MROH1: variants seen among roughly 807,000 people sequenced by gnomAD.
The protein encoded by MROH1 is maestro heat-like repeat-containing protein family member 1.
In MROH1, 117 loss-of-function variants were observed where a neutral mutation model predicts 116.5. The ratio of observed to expected loss-of-function variants is 1.00; its 90% CI spans 0.86 to 1.17. The LOEUF is 1.17. Among genes scored for constraint, MROH1 ranks in the 50% most tolerant of loss-of-function variants. The pLI is 0.00. For missense variants in MROH1, 1,873 were observed against 1,338.5 expected (o/e 1.40, Z -6.23); for synonymous variants, 921 against 583.9 (o/e 1.58, Z -8.32).
rs906571729 is a variant in MROH1, at chr8:144,239,501, C to A, written c.1633-113C>A. 2,878 of 762,566 alleles carry A rather than the reference C, an allele frequency of 3.8e-3. 8 individuals are homozygous for A. Among genetic ancestry groups the A allele is most frequent in the Non-Finnish European group, 5.5e-3 (2,265 of 410,250 alleles). The allele number at this position is 762,566 out of a possible 1,614,324, so 47.2% of individuals were successfully genotyped here. ...GTGGTTTTCCTCTACGTGGGCGGCC[C>A]AGCTTTGGGAAGAGCCAGGCTCCCC... On this transcript the variant is annotated intron_variant, in intron 17 of 43. Transcript: ENST00000326134.
At position 144,199,178 on chromosome 8, in the gene MROH1, G is replaced by T; in HGVS notation, c.1005G>T (p.Val335=). The T allele has an allele frequency of 6.2e-7, 1 of 1,613,618 alleles. No individual in the cohort carries two copies. Among genetic ancestry groups the T allele is most frequent in the Non-Finnish European group, 8.5e-7 (1 of 1,179,764 alleles). Residue 335 remains valine, a synonymous_variant, in exon 11 of 44, where the codon GTG becomes GTT. Coordinates refer to ENST00000326134, the MANE Select transcript of MROH1 (RefSeq NM_032450.3). ...SPLVMSNQKE[V]LRCFTVLACS... ...TGGTGATGAGTAACCAGAAGGAGGT[G>T]CTGCGCTGCTTCACTGTGCTGGGTG...
At chr8:144,169,035 G>A (rs905689670) in intron 4 of MROH1, among the ~76,000 whole-genome samples, 4 of 152,240 alleles carry the variant, frequency 2.6e-5, no homozygotes, top group African/African-American at 9.6e-5. Context: ...GACAGACGTG[G>A]CCCGGCTGGC....
chr8:144,257,477 C>T (rs1588542840), intron 35 of MROH1, among the ~76,000 whole-genome samples: 1 of 152,272 alleles, frequency 6.6e-6, no homozygotes, highest in Non-Finnish European at 1.5e-5. Flanking sequence ...GCTCTCAGGC[C>T]GCCTCATTCC....
intron 12 of MROH1, among the ~76,000 whole-genome samples, chr8:144,219,433 C>T (rs558766383): frequency 1.3e-5 from 2 of 152,316 alleles, no homozygotes; most frequent in East Asian, 1.9e-4. Flanking sequence ...GCTGGGTTTA[C>T]AGCCATGAGC....
Position 144,243,483 on chromosome 8 carries a change from C to CGTCCCTGCAGGACCCAGCCCTGA in MROH1, c.2353-10_2365dup. 1.3e-6 allele frequency: 1 copy of CGTCCCTGCAGGACCCAGCCCTGA among 778,942 alleles called. No homozygotes were observed. Among genetic ancestry groups the CGTCCCTGCAGGACCCAGCCCTGA allele is most frequent in the Non-Finnish European group, 2.4e-6 (1 of 417,802 alleles). 48.3% of individuals were successfully genotyped at this position (778,942 alleles called of 1,614,324 possible). ...GGCGTGGGCGTCTCCTGTAGCCCTG[C>CGTCCCTGCAGGACCCAGCCCTGA]GTCCCTGCAGGACCCAGCCCTGAAG... is the stretch of plus-strand genomic sequence containing the variant. On this transcript the variant is annotated splice_polypyrimidine_tract_variant and intron_variant, in intron 24 of 43. Coordinates refer to ENST00000326134, the MANE Select transcript of MROH1 (RefSeq NM_032450.3).
intron 10 of MROH1, among the ~76,000 whole-genome samples, chr8:144,194,510 C>T (rs146337659): frequency 3.9e-5 from 6 of 152,268 alleles, no homozygotes; most frequent in East Asian, 1.9e-4. Context: ...CCTCTCAATG[C>T]GGATCGGGTC....
At chr8:144,188,457 T>A (rs1781875987) in intron 7 of MROH1, among the ~76,000 whole-genome samples, 6 of 3,240 alleles carry the variant, frequency 1.9e-3, no homozygotes, top group African/African-American at 2.9e-3. Context: ...CAATTTTTTT[T>A]TTTTTTTTTT....
chr8:144,212,076 T>TTTTGTTTG (rs56029728), intron 12 of MROH1, among the ~76,000 whole-genome samples: 132,373 of 151,148 alleles, frequency 0.88, 59,282 homozygotes, highest in East Asian at 0.98. Flanking sequence ...TGTGTTGTTT[T>TTTTGTTTG]TTTGTTTGTT....
At chr8:144,216,743 G>A (rs1835351447) in intron 12 of MROH1, among the ~76,000 whole-genome samples, 1 of 149,496 alleles carries the variant, frequency 6.7e-6, no homozygotes, top group South Asian at 2.1e-4. Flanking sequence ...AGGCTAGAGT[G>A]CAGTGTCATG....
chr8:144,159,449 G>A lies in MROH1; in HGVS notation c.-176-1521G>A, dbSNP rs568516623. On this transcript the variant is annotated intron_variant, in intron 1 of 43. Coordinates refer to ENST00000326134, the MANE Select transcript of MROH1 (RefSeq NM_032450.3). ...TTGCATTTTTATTAGTTTTGGCTTT[G>A]TGTATTTTGAAGCTCTGTTACCAGG... is the stretch of plus-strand genomic sequence containing the variant. 3.3e-5 allele frequency among the ~76,000 whole-genome samples: 5 copies of A among 152,302 alleles called. No individual in the cohort carries two copies. In the East Asian group the frequency reaches 9.6e-4, roughly 29 times the overall value.
chr8:144,179,474 C>T lies in MROH1; in HGVS notation c.188C>T (p.Ala63Val). 3 of 1,613,532 alleles carry T rather than the reference C, an allele frequency of 1.9e-6. No homozygotes were observed. Among genetic ancestry groups the T allele is most frequent in the Non-Finnish European group, 2.5e-6 (3 of 1,179,814 alleles). ...QHDKLAHPYR[A>V]AVLRAMERVL... ...CCGCAGCTGGCACACCCATACCGAG[C>T]AGCGGTCCTGAGGGCCATGGAGAGG... Residue 63 changes from alanine (A) to valine (V), a missense_variant, in exon 5 of 44, where the codon GCA becomes GTA. Transcript: ENST00000326134.
chr8:144,177,198 G>A (rs1211864699), intron 4 of MROH1, among the ~76,000 whole-genome samples: 1 of 152,226 alleles, frequency 6.6e-6, no homozygotes, highest in African/African-American at 2.4e-5. Flanking sequence ...GTGGCAGTGA[G>A]CAAGTCTGTC....
intron 1 of MROH1, among the ~76,000 whole-genome samples, chr8:144,151,698 G>T (rs997319907): frequency 2.0e-5 from 3 of 152,128 alleles, no homozygotes; most frequent in Non-Finnish European, 2.9e-5. Flanking sequence ...GCCTATAGAC[G>T]GCAAACTAAA....
At chr8:144,200,638 C>G in intron 12 of MROH1, 97 bp downstream of exon 12, 1 of 900,082 alleles carries the variant, frequency 1.1e-6, no homozygotes, top group South Asian at 1.4e-5. Context: ...AAGCACCATC[C>G]TGCTTTGAAT....
At chr8:144,246,649 GC>G (rs1841972277) in intron 29 of MROH1, among the ~76,000 whole-genome samples, 2 of 152,124 alleles carry the variant, frequency 1.3e-5, no homozygotes, top group Non-Finnish European at 2.9e-5. Context: ...CTCATCAGTG[GC>G]GCCCAAGTAG....
intron 7 of MROH1, among the ~76,000 whole-genome samples, chr8:144,186,655 GC>G (rs1827261170): frequency 6.6e-6 from 1 of 152,206 alleles, no homozygotes; most frequent in African/African-American, 2.4e-5. Context: ...AATCCATATT[GC>G]CTGGCATAGG....
intron 26 of MROH1, 73 bp downstream of exon 26, chr8:144,244,015 CGTGTATGCGCGTGTGCAT>C (rs1312967677): frequency 3.0e-5 from 22 of 745,676 alleles, no homozygotes; most frequent in South Asian, 1.4e-4. Flanking sequence ...TGTGTGTGCA[CGTGTATGCGCGTGTGCAT>C]GTGCGTGTGT....
rs1274786258 is a variant in MROH1, at chr8:144,151,099, T to G, written c.-177+3023T>G. On this transcript the variant is annotated intron_variant, in intron 1 of 43. Transcript: ENST00000326134. ...CCCGTCTCCACTAAAAATACAAAAATTCGTCGAGTGTGGCGGTGGGCGCCT... is the reference window on the plus strand; with the variant it reads ...CCCGTCTCCACTAAAAATACAAAAAGTCGTCGAGTGTGGCGGTGGGCGCCT... Among the ~76,000 whole-genome samples the G allele has an allele frequency of 3.3e-5, 5 of 151,488 alleles. No homozygotes were observed. The South Asian group carries it at 1.1e-3, about 32-fold the overall frequency.
At position 144,244,245 on chromosome 8, in the gene MROH1, A is replaced by G. The variant is rs1431958590; in HGVS notation, c.2579A>G (p.Glu860Gly). The G allele has an allele frequency of 1.4e-6, 1 of 718,164 alleles. No individual in the cohort carries two copies. Among genetic ancestry groups the G allele is most frequent in the East Asian group, 2.7e-5 (1 of 37,278 alleles). 44.5% of individuals were successfully genotyped at this position (718,164 alleles called of 1,614,324 possible). Residue 860 changes from glutamate (E) to glycine (G), a missense_variant, in exon 27 of 44, where the codon GAG becomes GGG. By Grantham distance (98) the Glu-to-Gly change is moderately conservative. Coordinates refer to ENST00000326134, the MANE Select transcript of MROH1 (RefSeq NM_032450.3). ...YLVSVEPALDEQARADVIHGC... is the reference protein window; with the variant it reads ...YLVSVEPALDGQARADVIHGC... ...AGCTCCGTGGAGCCAGCGCTGGACG[A>G]GCAGGCCCGGGCGGATGTGATCCAT... is the stretch of plus-strand genomic sequence containing the variant.
Sources: allele counts gnomAD v4.1 joint callset (sites outside exome capture counted in the v4.1 genomes callset), GRCh38; gene constraint gnomAD v4.1.1; transcripts MANE v1.5; gene names NCBI Gene and HGNC (gene_info 2026-07-23, HGNC 2026-07-21).